Variants in COL21A1 observed in about 807,000 individuals in gnomAD.
COL21A1 encodes the protein collagen alpha-1(XXI) chain.
In COL21A1, 149 loss-of-function variants were observed where a neutral mutation model predicts 137.9. That is an observed-to-expected ratio of 1.08 (90% CI 0.95 to 1.24). The LOEUF is 1.24. Ranked by LOEUF, COL21A1 falls within the 50% of genes most tolerant of loss-of-function variation. COL21A1 has a pLI of 0.00. For synonymous variants in COL21A1, 456 were observed against 391.5 expected (o/e 1.16, Z -1.95); for missense variants, 1,167 against 1,158.4 (o/e 1.01, Z -0.11).
At chr6:56,091,912 C>A (rs1186875933) in intron 17 of COL21A1, among the ~76,000 whole-genome samples, 1 of 152,070 alleles carries the variant, frequency 6.6e-6, no homozygotes, top group African/African-American at 2.4e-5. Context: ...CTGTTGCCCT[C>A]ATGTTGCTCT....
intron 16 of COL21A1, among the ~76,000 whole-genome samples, chr6:56,113,196 A>G (rs1433399427): frequency 2.0e-5 from 3 of 152,240 alleles, no homozygotes; most frequent in Non-Finnish European, 1.5e-5. Flanking sequence ...GGCACACAAC[A>G]TACTGAGACC....
intron 1 of COL21A1, among the ~76,000 whole-genome samples, chr6:56,340,396 G>C (rs906110148): frequency 2.4e-5 from 2 of 83,978 alleles, no homozygotes; most frequent in African/African-American, 4.2e-5. Flanking sequence ...CAGGGAGGAG[G>C]AGACAAAACA....
At chr6:56,182,384 A>G in intron 2 of COL21A1, 147 bp downstream of exon 2, 2 of 598,744 alleles carry the variant, frequency 3.3e-6, no homozygotes, top group Non-Finnish European at 5.9e-6. Flanking sequence ...TCAGTTAATG[A>G]GTAACATAGC....
chr6:56,183,358 A>G (rs1024262260), intron 1 of COL21A1, among the ~76,000 whole-genome samples: 1 of 152,306 alleles, frequency 6.6e-6, no homozygotes, highest in East Asian at 1.9e-4. Flanking sequence ...ACCCTTTGTC[A>G]TATAGAAATG....
At chr6:56,349,233 T>C (rs915293850) in intron 1 of COL21A1, among the ~76,000 whole-genome samples, 2 of 152,042 alleles carry the variant, frequency 1.3e-5, no homozygotes, top group African/African-American at 4.8e-5. Context: ...AACTTAATAC[T>C]GAACAACCCA....
intron 1 of COL21A1, among the ~76,000 whole-genome samples, chr6:56,342,420 A>G (rs1461102607): frequency 6.6e-6 from 1 of 152,194 alleles, no homozygotes; most frequent in African/African-American, 2.4e-5. Context: ...AATCCCACTG[A>G]CCTGAGGATG....
chr6:56,316,610 T>C (rs1764744292), intron 1 of COL21A1, among the ~76,000 whole-genome samples: 1 of 147,998 alleles, frequency 6.8e-6, no homozygotes, highest in African/African-American at 2.5e-5. Flanking sequence ...GCCTCCCAAG[T>C]AGCCGGGAGT....
At chr6:56,186,861 T>C (rs2152286683) in intron 1 of COL21A1, among the ~76,000 whole-genome samples, 1 of 152,302 alleles carries the variant, frequency 6.6e-6, no homozygotes, top group South Asian at 2.1e-4. Flanking sequence ...CCACATATGT[T>C]CTATAGATTC....
Position 56,166,977 on chromosome 6 carries a change from C to G in COL21A1, c.1207G>C (p.Val403Leu). 3.1e-6 allele frequency: 5 copies of G among 1,610,048 alleles called. No individual in the cohort carries two copies. The highest frequency in any genetic ancestry group is 4.2e-6 in the Non-Finnish European group (5 of 1,177,774). Residue 403 changes from valine (V) to leucine (L), a missense_variant, in exon 7 of 30, where the codon GTC becomes CTC. By Grantham distance (32) the Val-to-Leu change is conservative (BLOSUM62 1). Coordinates refer to ENST00000244728, the MANE Select transcript of COL21A1 (RefSeq NM_030820.4). Reference protein sequence around the residue: ...SGKEETVQFDVQKLRIYCDPE... With the variant: ...SGKEETVQFDLQKLRIYCDPE... ...TCACAGTAGATTCGCAACTTTTGGA[C>G]ATCAAACTAAGAACATAAACCCAGT...
At chr6:56,104,790 A>C (rs185628451) in intron 16 of COL21A1, among the ~76,000 whole-genome samples, 1 of 152,194 alleles carries the variant, frequency 6.6e-6, no homozygotes, top group Non-Finnish European at 1.5e-5. Flanking sequence ...ATTTAACTAA[A>C]ACCAGGCATG....
chr6:56,242,207 A>T (rs1782369960), intron 1 of COL21A1, among the ~76,000 whole-genome samples: 3 of 152,200 alleles, frequency 2.0e-5, no homozygotes, highest in Admixed American at 2.0e-4. Context: ...GTTAAAGTAT[A>T]TTAATTTAAT....
rs1019830243 is a variant in COL21A1, at chr6:56,101,440, A to G, written c.1812+32T>C. The G allele has an allele frequency of 2.6e-6, 4 of 1,517,980 alleles. No individual in the cohort carries two copies. In the African/African-American group the frequency reaches 4.1e-5, roughly 16 times the overall value. The allele number at this position is 1,517,980 out of a possible 1,614,324, so 94.0% of individuals were successfully genotyped here. On this transcript the variant is annotated intron_variant, in intron 17 of 29. Coordinates refer to ENST00000244728, the MANE Select transcript of COL21A1 (RefSeq NM_030820.4). ...GATTTCGTAACAGGAAAAGAACTTC[A>G]TCTTTTAGAACTGAAATGAGAAGGT... is the stretch of plus-strand genomic sequence containing the variant.
At chr6:56,160,109 A>G (rs1449686483) in intron 9 of COL21A1, among the ~76,000 whole-genome samples, 2 of 152,224 alleles carry the variant, frequency 1.3e-5, no homozygotes, top group African/African-American at 4.8e-5. Context: ...AAACTCAGGT[A>G]GGTTTGGTAT....
At chr6:56,176,272 G>C (rs1304558484) in intron 3 of COL21A1, among the ~76,000 whole-genome samples, 1 of 151,464 alleles carries the variant, frequency 6.6e-6, no homozygotes, top group Non-Finnish European at 1.5e-5. Context: ...TAGACAACTG[G>C]GATTACAGCA....
chr6:56,170,655 T>C lies in COL21A1; in HGVS notation c.1020A>G (p.Gln340=). 1 of 1,588,034 alleles carries C rather than the reference T, an allele frequency of 6.3e-7. No individual in the cohort carries two copies. Residue 340 remains glutamine, a synonymous_variant, in exon 5 of 30, where the codon CAA becomes CAG. Transcript: ENST00000244728. ...GSQVVTFANP[Q]VKTLFDEGWH... The stretch of plus-strand genomic sequence containing the variant: ...TTATCCCAGGCATCTTTACCTTAAC[T>C]TGAGGGTTAGCAAAGGTAACCACTT...
intron 16 of COL21A1, among the ~76,000 whole-genome samples, chr6:56,106,568 C>T (rs1770912422): frequency 6.6e-6 from 1 of 152,128 alleles, no homozygotes; most frequent in African/African-American, 2.4e-5. Context: ...GAATCTACAA[C>T]TAAGAAGACC....
At chr6:56,285,285 T>C (rs183327843) in intron 1 of COL21A1, among the ~76,000 whole-genome samples, 30 of 152,328 alleles carry the variant, frequency 2.0e-4, no homozygotes, top group Admixed American at 1.0e-3. Flanking sequence ...ATCACTAGGC[T>C]TTTCAAGCAT....
At chr6:56,197,213 A>C (rs1256657045) in intron 1 of COL21A1, among the ~76,000 whole-genome samples, 1 of 152,152 alleles carries the variant, frequency 6.6e-6, no homozygotes, top group African/African-American at 2.4e-5. Context: ...AACTAACTCA[A>C]AATGGATTAA....
chr6:56,281,785 G>C (rs558392394), intron 1 of COL21A1, among the ~76,000 whole-genome samples: 12 of 152,176 alleles, frequency 7.9e-5, no homozygotes, highest in African/African-American at 2.4e-4. Flanking sequence ...CATCGACTAG[G>C]TAGAAGACTG....
Sources: gnomAD v4.1 joint callset for allele counts (sites outside exome capture counted in the v4.1 genomes callset) on GRCh38, gnomAD v4.1.1 for gene constraint, MANE v1.5 for transcripts, NCBI Gene and HGNC (gene_info 2026-07-23, HGNC 2026-07-21) for gene names.